The following SLC6A13 variants were observed in gnomAD, a reference collection of about 807,000 sequenced individuals.
The protein encoded by SLC6A13 is solute carrier family 6 member 13.
Under a neutral mutation model 72.9 loss-of-function variants are expected in SLC6A13, and 69 were observed. The ratio of observed to expected loss-of-function variants is 0.95; its 90% CI spans 0.78 to 1.16. The LOEUF (loss-of-function observed/expected upper bound fraction) is 1.16. Among genes scored for constraint, SLC6A13 ranks in the 50% most tolerant of loss-of-function variants. SLC6A13 has a pLI of 0.00. For synonymous variants in SLC6A13, 303 were observed against 303.0 expected, an observed-to-expected ratio of 1.00 and a Z score of 0.00; for missense variants, 735 against 760.5, an observed-to-expected ratio of 0.97 and a Z score of 0.39.
intron 2 of SLC6A13, 73 bp downstream of exon 2, chr12:259,778 G>A: frequency 1.2e-6 from 2 of 1,614,120 alleles, no homozygotes; most frequent in Admixed American, 1.7e-5. Context: ...TCCCCAGAGG[G>A]GCCGTAAGTG....
At chr12:259,803 A>G (rs772144390) in intron 2 of SLC6A13, 48 bp downstream of exon 2, 3 of 1,614,108 alleles carry the variant, frequency 1.9e-6, no homozygotes, top group East Asian at 2.2e-5. Flanking sequence ...AGATGGAAGT[A>G]TCCTCCTTCC....
intron 3 of SLC6A13, among the ~76,000 whole-genome samples, chr12:243,095 T>C (rs579366): frequency 0.27 from 41,499 of 151,780 alleles, 5,869 homozygotes; most frequent in East Asian, 0.47. Context: ...CTGCAACCTC[T>C]GCCTCCCAGG....
Position 227,578 on chromosome 12 carries a change from T to C in SLC6A13, c.922A>G (p.Asn308Asp). Residue 308 changes from asparagine (N) to aspartate (D), a missense_variant, in exon 8 of 15, where the codon AAC (asparagine) becomes GAC (aspartate). Coordinates refer to ENST00000343164, the MANE Select transcript of SLC6A13 (RefSeq NM_016615.5). ...TALGSYNKYH[N>D]NCYRDCIALC... ...GCCCCCAATCACCTGTAGCAGTTGT[T>C]GTGGTACTTGTTGTAGCTGCCCAGG... is the stretch of plus-strand genomic sequence containing the variant. The C allele has an allele frequency of 1.2e-6, 2 of 1,614,000 alleles. No homozygotes were observed. Among genetic ancestry groups the C allele is most frequent in the East Asian group, 2.2e-5 (1 of 44,888 alleles).
At chr12:246,833 C>T (rs1450548196) in intron 2 of SLC6A13, among the ~76,000 whole-genome samples, 1 of 151,936 alleles carries the variant, frequency 6.6e-6, no homozygotes, top group African/African-American at 2.4e-5. Flanking sequence ...CATGGTGAAA[C>T]CCTGTCTCTA....
intron 6 of SLC6A13, among the ~76,000 whole-genome samples, chr12:235,479 C>G (rs1342720102): frequency 1.3e-5 from 2 of 152,080 alleles, no homozygotes; most frequent in African/African-American, 4.8e-5. Flanking sequence ...CCAAATAATA[C>G]TTTTATAATT....
rs761840670 is a variant in SLC6A13 at position 235,213 on chromosome 12, G to T, written c.708C>A (p.Phe236Leu). The change falls in exon 7 of 15, where the codon TTC becomes TTA. Residue 236 changes from phenylalanine to leucine, a missense_variant. Coordinates refer to ENST00000343164, the MANE Select transcript of SLC6A13 (RefSeq NM_016615.5). ...GVKSTGKVVY[F>L]TATFPYLMLV... ...GCATGAGGTAAGGAAATGTGGCCGT[G>T]AAGTACACCACCTGGTCATGGGCAA... 6.2e-7 allele frequency: 1 copy of T among 1,614,222 alleles called. No individual in the cohort carries two copies. The highest frequency in any genetic ancestry group is 1.7e-5 in the Admixed American group (1 of 60,030).
At position 220,976 on chromosome 12, in the gene SLC6A13, C is replaced by G; in HGVS notation, c.1781G>C (p.Arg594Thr). The G allele has an allele frequency of 6.2e-7, 1 of 1,613,118 alleles. No individual in the cohort carries two copies. Among genetic ancestry groups the G allele is most frequent in the African/African-American group, 1.3e-5 (1 of 75,068 alleles). The change falls in exon 15 of 15, where the codon AGA becomes ACA. Residue 594 changes from arginine (R) to threonine (T), a missense_variant. Transcript: ENST00000343164. ...APATPRTSLL[R>T]LTELESHC is the part of the protein sequence containing the mutation. ...GCAGTGAGACTCTAGCTCTGTGAGTCTGAGCAGTGAGGTCCTGGGGGTGGC... is the reference window on the plus strand; with the variant it reads ...GCAGTGAGACTCTAGCTCTGTGAGTGTGAGCAGTGAGGTCCTGGGGGTGGC...
rs2137258289 is a variant in SLC6A13 at position 226,471 on chromosome 12, C to A, written c.979G>T (p.Val327Leu). ...ATGGAGAAGATGGCAAAGCCGGCCA[C>A]AAAGCTGGTGCCGCTGTTGAGGAAG... ...LCFLNSGTSFVAGFAIFSILG... is the reference protein window; with the variant it reads ...LCFLNSGTSFLAGFAIFSILG... Residue 327 changes from valine to leucine, a missense_variant, in exon 9 of 15, where the codon GTG becomes TTG. Val to Leu is a conservative substitution (Grantham distance 32, BLOSUM62 1). Transcript: ENST00000343164. 6.2e-7 allele frequency: 1 copy of A among 1,614,148 alleles called. No individual in the cohort carries two copies. Among genetic ancestry groups the A allele is most frequent in the South Asian group, 1.1e-5 (1 of 91,090 alleles).
chr12:236,845 C>G, intron 6 of SLC6A13: 1 of 217,234 alleles, frequency 4.6e-6, no homozygotes. Context: ...AATTCTTTTT[C>G]CAAAGAACTG....
At chr12:243,637 C>T in intron 3 of SLC6A13, 42 bp downstream of exon 3, 2 of 1,590,274 alleles carry the variant, frequency 1.3e-6, no homozygotes, top group South Asian at 1.1e-5. Context: ...GGTTTATAAC[C>T]ACGAATGAAG....
chr12:252,342 T>G lies in SLC6A13; in HGVS notation c.202+7509A>C, dbSNP rs1942582934. Among the ~76,000 whole-genome samples, 4 of 152,262 alleles carry G rather than the reference T, an allele frequency of 2.6e-5. 1 individual carries two copies. In the South Asian group the frequency reaches 8.3e-4, roughly 32 times the overall value. ...TTGCACTGGGATGTGATGGCAGGAG[T>G]GAAGTTGGGAGGAAGGAATTAGAAA... On this transcript the variant is annotated intron_variant, in intron 2 of 14. Coordinates refer to ENST00000343164, the MANE Select transcript of SLC6A13 (RefSeq NM_016615.5).
rs991445268 is a variant in SLC6A13 at position 259,682 on chromosome 12, C to T, written c.202+169G>A. 5 of 1,483,256 alleles carry T rather than the reference C, an allele frequency of 3.4e-6. No homozygotes were observed. In the South Asian group the frequency reaches 5.4e-5, roughly 16 times the overall value. 91.9% of individuals were successfully genotyped at this position (1,483,256 alleles called of 1,614,324 possible). ...AAAGAGCCCTGGGATAGTCACGTAACCTTTCTAGGTCTTAGTCTCTTACAG... is the reference window on the plus strand; with the variant it reads ...AAAGAGCCCTGGGATAGTCACGTAATCTTTCTAGGTCTTAGTCTCTTACAG... On this transcript the variant is annotated intron_variant, in intron 2 of 14. Transcript: ENST00000343164.
At position 226,288 on chromosome 12, in the gene SLC6A13, C is replaced by G; in HGVS notation, c.1060+102G>C. On this transcript the variant is annotated intron_variant, in intron 9 of 14. Transcript: ENST00000343164. ...CGCATCCACTGAATGGTGGCCGTAG[C>G]TCACCCAGAGTGCAGGTGACACAAT... is the stretch of plus-strand genomic sequence containing the variant. 14 of 1,410,672 alleles carry G rather than the reference C, an allele frequency of 9.9e-6. No individual in the cohort carries two copies. In the South Asian group the frequency reaches 1.6e-4, roughly 17 times the overall value. 87.4% of individuals were successfully genotyped at this position (1,410,672 alleles called of 1,614,324 possible).
chr12:257,981 C>T (rs2137323478), intron 2 of SLC6A13, among the ~76,000 whole-genome samples: 1 of 152,304 alleles, frequency 6.6e-6, no homozygotes, highest in South Asian at 2.1e-4. Flanking sequence ...ACCCAGAGTC[C>T]CAATGCCAGA....
chr12:226,325 T>C (rs1056333430), intron 9 of SLC6A13, 65 bp downstream of exon 9: 3 of 1,605,464 alleles, frequency 1.9e-6, no homozygotes, highest in Non-Finnish European at 1.7e-6. Context: ...GAAACGCCTC[T>C]AGACGCTTGC....
intron 2 of SLC6A13, 123 bp from the exon 3 acceptor site, chr12:243,936 T>G: frequency 1.2e-6 from 1 of 827,724 alleles, no homozygotes; most frequent in Non-Finnish European, 1.9e-6. Context: ...CATGCAAAAC[T>G]GCAGGAGACA....
chr12:250,423 CCAAT>C (rs1942494796), intron 2 of SLC6A13, among the ~76,000 whole-genome samples: 1 of 151,944 alleles, frequency 6.6e-6, no homozygotes, highest in South Asian at 2.1e-4. Context: ...CCTATTAGAA[CCAAT>C]CAGTGAGTTT....
In SLC6A13 at chr12:235,120, G is replaced by A; in HGVS notation, c.801C>T (p.Tyr267=). Residue 267 remains tyrosine, a synonymous_variant, in exon 7 of 15, where the codon TAC becomes TAT. Transcript: ENST00000343164. ...GAAQGIQFYL[Y]PNLTRLWDPQ... The stretch of plus-strand genomic sequence containing the variant: ...GATCCCACAGACGCGTGAGGTTTGG[G>A]TACAGGTAAAACTGAATTCCTTGGG... 6.2e-7 allele frequency: 1 copy of A among 1,614,236 alleles called. No homozygotes were observed. Among genetic ancestry groups the A allele is most frequent in the Non-Finnish European group, 8.5e-7 (1 of 1,180,026 alleles).
At chr12:243,419 G>A (rs1942239923) in intron 3 of SLC6A13, among the ~76,000 whole-genome samples, 1 of 152,220 alleles carries the variant, frequency 6.6e-6, no homozygotes, top group African/African-American at 2.4e-5. Context: ...ATTGTTATGT[G>A]TTTAAAACAT....
Sources: allele counts gnomAD v4.1 joint callset (sites outside exome capture counted in the v4.1 genomes callset), GRCh38; gene constraint gnomAD v4.1.1; transcripts MANE v1.5; gene names NCBI Gene and HGNC (gene_info 2026-07-23, HGNC 2026-07-21).